The following MARS1 variants were observed in gnomAD, a reference collection of about 807,000 sequenced individuals.
MARS1 encodes methionine--tRNA ligase, cytoplasmic.
MARS1 carries 80 observed loss-of-function variants against 119.5 expected under a neutral mutation model. The observed-to-expected ratio is 0.67, with a 90% CI of 0.56 to 0.81. MARS1 has a LOEUF of 0.81. MARS1 is among the 30% of genes least tolerant of loss of function. The pLI is 0.00. For missense variants in MARS1, 945 were observed against 1,116.5 expected (o/e 0.85, Z 2.19); for synonymous variants, 418 against 433.4 (o/e 0.96, Z 0.44).
Position 57,488,372 on chromosome 12 carries a change from C to T in MARS1, c.109+173C>T, listed in dbSNP as rs1875626214. 7 of 730,732 alleles carry T rather than the reference C, an allele frequency of 9.6e-6. No individual in the cohort carries two copies. The East Asian group carries it at 1.9e-4, about 20-fold the overall frequency. The allele number at this position is 730,732 out of a possible 1,614,324, so 45.3% of individuals were successfully genotyped here. A position where few individuals can be genotyped will look rare whatever the true frequency, so the allele number is the denominator to read the frequency against. On this transcript the variant is annotated intron_variant, in intron 1 of 20. Coordinates refer to ENST00000262027, the MANE Select transcript of MARS1 (RefSeq NM_004990.4). ...TCTTCCCTCCCAGTCACATCTTTCA[C>T]TTCCTTTAATTACCCTCAATATAAT... is the stretch of plus-strand genomic sequence containing the variant.
At chr12:57,494,131 T>A (rs1427057375) in intron 7 of MARS1, among the ~76,000 whole-genome samples, 1 of 145,124 alleles carries the variant, frequency 6.9e-6, no homozygotes, top group Non-Finnish European at 1.5e-5. Flanking sequence ...AATTTTTGTA[T>A]TTTTGGTAGA....
At chr12:57,496,385 T>G (rs903455461) in intron 7 of MARS1, among the ~76,000 whole-genome samples, 1 of 150,660 alleles carries the variant, frequency 6.6e-6, no homozygotes, top group African/African-American at 2.4e-5. Context: ...AGGCTGGTCT[T>G]GAGCTCCGAC....
Position 57,488,085 on chromosome 12 carries a change from G to A in MARS1, c.-6G>A. 2.5e-6 allele frequency: 4 copies of A among 1,613,400 alleles called. No homozygotes were observed. In the South Asian group the frequency reaches 3.3e-5, roughly 13 times the overall value. On this transcript the variant is annotated 5_prime_UTR_variant, in exon 1 of 21. Transcript: ENST00000262027. ...CCGGTTGCATCAGCGAGGGATTCAC[G>A]GCGAAATGAGACTGTTCGTGAGTGA...
rs753577413 is a variant in MARS1, at chr12:57,504,246, C to G, written c.1315C>G (p.Arg439Gly). 2 of 1,613,950 alleles carry G rather than the reference C, an allele frequency of 1.2e-6. No individual in the cohort carries two copies. Among genetic ancestry groups the G allele is most frequent in the Admixed American group, 3.3e-5 (2 of 60,000 alleles). The change falls in exon 11 of 21, where the codon CGA becomes GGA. Residue 439 changes from arginine to glycine, a missense_variant. Transcript: ENST00000262027. Reference sequence around the variant, plus strand: ...GCAGAAGCCTCAGTGTAAAGTCTGCCGATCATGCCCTGTGGTGCAGTCGAG... The same window carrying G: ...GCAGAAGCCTCAGTGTAAAGTCTGCGGATCATGCCCTGTGGTGCAGTCGAG... ...ELKKPQCKVC[R>G]SCPVVQSSQH...
chr12:57,490,752 T>C, intron 7 of MARS1, 108 bp downstream of exon 7: 1 of 761,956 alleles, frequency 1.3e-6, no homozygotes. Flanking sequence ...CTTTAATTTT[T>C]CATCCTCTCC....
At position 57,515,994 on chromosome 12, in the gene MARS1, GAGA is replaced by G. The variant is rs1877792081; in HGVS notation, c.2463+5_2463+7del. ...GGCAGCGCTTTGGAGGGGGCCAGGT[GAGA>G]AAGCTAAAGGCTGTGCCCTCGCTCC... On this transcript the variant is annotated splice_donor_5th_base_variant and intron_variant, in intron 19 of 20. Transcript: ENST00000262027. 1 of 1,614,054 alleles carries G rather than the reference GAGA, an allele frequency of 6.2e-7. No individual in the cohort carries two copies. The highest frequency in any genetic ancestry group is 8.5e-7 in the Non-Finnish European group (1 of 1,180,012).
At position 57,511,350 on chromosome 12, in the gene MARS1, G is replaced by T. The variant is rs151322683; in HGVS notation, c.1369-348G>T. On this transcript the variant is annotated intron_variant, in intron 11 of 20. Transcript: ENST00000262027. Reference sequence around the variant, plus strand: ...TGTAGTCTCAGCGCTTTTGGAGGCTGAGGTGGGCAGATTGCTTGAGCTCAG... The same window carrying T: ...TGTAGTCTCAGCGCTTTTGGAGGCTTAGGTGGGCAGATTGCTTGAGCTCAG... 4.1e-3 allele frequency among the ~76,000 whole-genome samples: 619 copies of T among 152,186 alleles called. 5 individuals are homozygous for T. Among genetic ancestry groups the T allele is most frequent in the African/African-American group, 0.014 (587 of 41,522 alleles).
rs1433371118 is a variant in MARS1 at position 57,512,337 on chromosome 12, C to T, written c.1737C>T (p.Ser579=). ...CTGAGGATAACTATACCTTGGTCAG[C>T]CACCTCATTGCTACAGGTAAGTACC... ...LGAEDNYTLV[S]HLIATEYLNY... The change falls in exon 14 of 21, where the codon AGC becomes AGT. Residue 579 remains serine (S), a synonymous_variant. Coordinates refer to ENST00000262027, the MANE Select transcript of MARS1 (RefSeq NM_004990.4). The T allele has an allele frequency of 1.9e-6, 3 of 1,613,194 alleles. No individual in the cohort carries two copies. The Admixed American group carries it at 5.0e-5, about 27-fold the overall frequency.
At chr12:57,500,547 C>T (rs1309564748) in intron 10 of MARS1, 25 bp downstream of exon 10, 1 of 1,606,500 alleles carries the variant, frequency 6.2e-7, no homozygotes, top group African/African-American at 1.3e-5. Context: ...TCCATGGGAG[C>T]CCGGAAGGAG....
At chr12:57,499,054 C>T (rs925423612) in intron 9 of MARS1, among the ~76,000 whole-genome samples, 6 of 151,732 alleles carry the variant, frequency 4.0e-5, no homozygotes, top group African/African-American at 7.3e-5. Context: ...GAGGCCGAGG[C>T]GGGCGGCTCA....
chr12:57,489,006 ATTC>A lies in MARS1; in HGVS notation c.110-10_110-8del. 1 of 1,588,056 alleles carries A rather than the reference ATTC, an allele frequency of 6.3e-7. No homozygotes were observed. The highest frequency in any genetic ancestry group is 8.6e-7 in the Non-Finnish European group (1 of 1,162,752). ...CTTTTTTTTTTTTAACCCATTTTCC[ATTC>A]TTGCATCAGATTGTGTGGTCCCGTT... On this transcript the variant is annotated splice_polypyrimidine_tract_variant and intron_variant, in intron 1 of 20. Transcript: ENST00000262027.
chr12:57,502,737 A>C (rs1876986145), intron 10 of MARS1, among the ~76,000 whole-genome samples: 1 of 148,960 alleles, frequency 6.7e-6, no homozygotes, highest in Non-Finnish European at 1.5e-5. Flanking sequence ...CAACAACAAA[A>C]AAAAAACAAG....
intron 7 of MARS1, among the ~76,000 whole-genome samples, chr12:57,493,830 T>A (rs369402464): frequency 0.03 from 29 of 974 alleles, 10 homozygotes; most frequent in South Asian, 0.1. Flanking sequence ...TATATTATAT[T>A]ATATATTATA....
At position 57,493,545 on chromosome 12, in the gene MARS1, ATAATATATAATATATAATATAT is replaced by A. The variant is rs1876220839; in HGVS notation, c.770+2904_770+2925del. Among the ~76,000 whole-genome samples the A allele has an allele frequency of 7.6e-4, 4 of 5,256 alleles. 1 individual carries two copies. The highest frequency in any genetic ancestry group is 1.3e-3 in the Non-Finnish European group (4 of 3,076). 3.4% of individuals were successfully genotyped at this position (5,256 alleles called of 152,430 possible). ...AATATATTATAATATATAATATATT[ATAATATATAATATATAATATAT>A]TATAATATATAATATATAATATATT... On this transcript the variant is annotated intron_variant, in intron 7 of 20. Coordinates refer to ENST00000262027, the MANE Select transcript of MARS1 (RefSeq NM_004990.4).
At chr12:57,490,173 T>G in intron 5 of MARS1, 34 bp from the exon 6 acceptor site, 2 of 1,597,562 alleles carry the variant, frequency 1.3e-6, no homozygotes, top group Non-Finnish European at 1.7e-6. Context: ...CAGGTCCTTA[T>G]GTTTGCTGAT....
Position 57,493,751 on chromosome 12 carries a change from ATTATATT to A in MARS1, c.770+3108_770+3114del, listed in dbSNP as rs1876328131. 4.3e-3 allele frequency among the ~76,000 whole-genome samples: 2 copies of A among 462 alleles called. 1 individual carries two copies. Among genetic ancestry groups the A allele is most frequent in the Non-Finnish European group, 0.016 (2 of 128 alleles). The allele number at this position is 462 out of a possible 152,430, so 0.3% of individuals were successfully genotyped here. On this transcript the variant is annotated intron_variant, in intron 7 of 20. Coordinates refer to ENST00000262027, the MANE Select transcript of MARS1 (RefSeq NM_004990.4). Reference sequence around the variant, plus strand: ...ATATTATATAATATATATTATATACATTATATTATATATATTATATATAATATATATT... The same window carrying A: ...ATATTATATAATATATATTATATACAATATATATTATATATAATATATATT...
intron 12 of MARS1, 70 bp downstream of exon 12, chr12:57,511,938 T>C: frequency 6.2e-7 from 1 of 1,605,722 alleles, no homozygotes; most frequent in South Asian, 1.1e-5. Flanking sequence ...AGTAGACTGC[T>C]GATTATGTCT....
intron 7 of MARS1, among the ~76,000 whole-genome samples, chr12:57,495,214 C>G (rs2673326): frequency 0.18 from 27,142 of 149,046 alleles, 2,677 homozygotes; most frequent in East Asian, 0.3. Context: ...GCCAGGCGGG[C>G]GCTGCCCCCC....
intron 10 of MARS1, among the ~76,000 whole-genome samples, chr12:57,501,347 A>G (rs1327260706): frequency 6.6e-6 from 1 of 152,250 alleles, no homozygotes; most frequent in African/African-American, 2.4e-5. Flanking sequence ...GTGAATGACA[A>G]GCTGCTCTGT....
Sources: allele counts gnomAD v4.1 joint callset (sites outside exome capture counted in the v4.1 genomes callset), GRCh38; gene constraint gnomAD v4.1.1; transcripts MANE v1.5; gene names NCBI Gene and HGNC (gene_info 2026-07-23, HGNC 2026-07-21).